Variants in CDK5RAP2 observed in about 807,000 individuals in gnomAD.
CDK5RAP2 encodes the protein CDK5 regulatory subunit-associated protein 2.
A neutral mutation model predicts 232.9 loss-of-function variants in CDK5RAP2; 147 were observed. The ratio of observed to expected loss-of-function variants is 0.63; its 90% CI spans 0.55 to 0.72. The LOEUF is 0.72. Among genes scored for constraint, CDK5RAP2 ranks in the 30% least tolerant of loss-of-function variants. CDK5RAP2 has a pLI of 0.00. For missense variants in CDK5RAP2, 2,195 were observed against 2,231.5 expected (o/e 0.98, Z 0.33); for synonymous variants, 833 against 833.7 (o/e 1.00, Z 0.01).
chr9:120,440,038 A>C, intron 23 of CDK5RAP2, 66 bp from the exon 24 acceptor site: 14 of 1,445,230 alleles, frequency 9.7e-6, no homozygotes, highest in Non-Finnish European at 1.3e-5. Context: ...CTCCTTCCTC[A>C]CAGCCCTAGC....
At chr9:120,423,919 C>G (rs941041297) in intron 25 of CDK5RAP2, among the ~76,000 whole-genome samples, 6 of 152,224 alleles carry the variant, frequency 3.9e-5, no homozygotes, top group Non-Finnish European at 5.9e-5. Context: ...GGTTCCCTAT[C>G]GCCCACCAGG....
intron 32 of CDK5RAP2, among the ~76,000 whole-genome samples, chr9:120,404,563 G>C (rs1399709664): frequency 6.6e-6 from 1 of 152,184 alleles, no homozygotes; most frequent in Non-Finnish European, 1.5e-5. Flanking sequence ...GTGGGACAAA[G>C]AGTGGAATCA....
intron 3 of CDK5RAP2, among the ~76,000 whole-genome samples, chr9:120,567,855 A>C (rs560092008): frequency 6.6e-6 from 1 of 152,344 alleles, no homozygotes; most frequent in South Asian, 2.1e-4. Context: ...ATATGACCAT[A>C]AACAACTCTC....
In CDK5RAP2 at chr9:120,485,293, C is replaced by CTTTTTTT. The variant is rs111411839; in HGVS notation, c.1626+1994_1626+2000dup. On this transcript the variant is annotated intron_variant, in intron 14 of 37. Coordinates refer to ENST00000349780, the MANE Select transcript of CDK5RAP2 (RefSeq NM_018249.6). Reference sequence around the variant, plus strand: ...AAACATTTTGTTCAACATTTAGATACTTTTTTTTTTTTTTTTTTTTTGAGA... The same window carrying CTTTTTTT: ...AAACATTTTGTTCAACATTTAGATACTTTTTTTTTTTTTTTTTTTTTTTTTTTTGAGA... Among the ~76,000 whole-genome samples the CTTTTTTT allele has an allele frequency of 1.1e-3, 147 of 132,356 alleles. 3 individuals carry two copies. The highest frequency in any genetic ancestry group is 4.0e-3 in the African/African-American group (142 of 35,256). The allele number at this position is 132,356 out of a possible 152,430, so 86.8% of individuals were successfully genotyped here. A position where few individuals can be genotyped will look rare whatever the true frequency, so the allele number is the denominator to read the frequency against.
intron 26 of CDK5RAP2, among the ~76,000 whole-genome samples, chr9:120,420,511 T>C (rs2034502582): frequency 2.0e-5 from 3 of 152,064 alleles, no homozygotes; most frequent in South Asian, 4.2e-4. Flanking sequence ...CTCTCATGGT[T>C]CCCAAGCAGG....
chr9:120,545,714 G>T lies in CDK5RAP2; in HGVS notation c.383C>A (p.Ser128Tyr), dbSNP rs758009123. 2 of 1,612,642 alleles carry T rather than the reference G, an allele frequency of 1.2e-6. No homozygotes were observed. The highest frequency in any genetic ancestry group is 1.7e-6 in the Non-Finnish European group (2 of 1,178,678). ...GCTTTCAACGGATGATGGTACTCAC[G>T]AGGCTTTGATGAGCAGCTGCTCTCT... ...QEREQLLIKA[S>Y]KAVESLAEAG... The change falls in exon 5 of 38, where the codon TCC (serine) becomes TAC (tyrosine). Residue 128 changes from serine (S) to tyrosine (Y), a missense_variant and splice_region_variant. Coordinates refer to ENST00000349780, the MANE Select transcript of CDK5RAP2 (RefSeq NM_018249.6).
Position 120,529,972 on chromosome 9 carries a change from C to T in CDK5RAP2, c.825+6G>A. On this transcript the variant is annotated splice_donor_region_variant and intron_variant, in intron 8 of 37. Transcript: ENST00000349780. ...AAAGCCCCCTCTTCATGTCCTGTCACCTCACCTCAGTTTCTCTCTCCTTTT... is the reference window on the plus strand; with the variant it reads ...AAAGCCCCCTCTTCATGTCCTGTCATCTCACCTCAGTTTCTCTCTCCTTTT... 1 of 1,613,602 alleles carries T rather than the reference C, an allele frequency of 6.2e-7. No homozygotes were observed. Among genetic ancestry groups the T allele is most frequent in the Non-Finnish European group, 8.5e-7 (1 of 1,179,706 alleles).
At chr9:120,552,118 A>G (rs1054117383) in intron 3 of CDK5RAP2, among the ~76,000 whole-genome samples, 9 of 152,080 alleles carry the variant, frequency 5.9e-5, no homozygotes, top group African/African-American at 2.2e-4. Flanking sequence ...GCCATCAGAG[A>G]AATGCAAATC....
At chr9:120,425,228 C>T (rs2034820400) in intron 25 of CDK5RAP2, among the ~76,000 whole-genome samples, 1 of 152,146 alleles carries the variant, frequency 6.6e-6, no homozygotes, top group Non-Finnish European at 1.5e-5. Context: ...AACAACTCAA[C>T]AACAACTGTA....
intron 12 of CDK5RAP2, among the ~76,000 whole-genome samples, chr9:120,498,856 A>AAAAT (rs753712311): frequency 1.3e-5 from 2 of 152,076 alleles, no homozygotes; most frequent in Admixed American, 6.5e-5. Context: ...CCCCATCTCT[A>AAAAT]AAATAAATAA....
chr9:120,403,995 C>G lies in CDK5RAP2; in HGVS notation c.5041+41G>C. 1 of 1,359,478 alleles carries G rather than the reference C, an allele frequency of 7.4e-7. No homozygotes were observed. The highest frequency in any genetic ancestry group is 1.1e-6 in the Non-Finnish European group (1 of 947,840). 84.2% of individuals were successfully genotyped at this position (1,359,478 alleles called of 1,614,324 possible). On this transcript the variant is annotated intron_variant, in intron 33 of 37. Transcript: ENST00000349780. This position sits in a 1 kb window ranked among gnomAD's most constrained non-coding sequence, Gnocchi z 4.2. ...TGCAAGTTAAAAAGTCTTACTGTCA[C>G]ATCCAATGCTCCCACAGTTACCTGG...
chr9:120,484,490 G>A (rs1326086766), intron 14 of CDK5RAP2, among the ~76,000 whole-genome samples: 1 of 152,142 alleles, frequency 6.6e-6, no homozygotes, highest in African/African-American at 2.4e-5. Context: ...GGGAGGATGA[G>A]GCAGTTGGAT....
At chr9:120,569,573 T>G (rs988358664) in intron 2 of CDK5RAP2, among the ~76,000 whole-genome samples, 1 of 152,096 alleles carries the variant, frequency 6.6e-6, no homozygotes, top group Middle Eastern at 3.2e-3. Context: ...CGGTCCCCTG[T>G]GGGTCTGGGG....
At chr9:120,412,551 G>A (rs1300188375) in intron 28 of CDK5RAP2, among the ~76,000 whole-genome samples, 2 of 152,178 alleles carry the variant, frequency 1.3e-5, no homozygotes, top group South Asian at 2.1e-4. Context: ...CTGAGAGACT[G>A]GAATGCTTGT....
intron 35 of CDK5RAP2, among the ~76,000 whole-genome samples, chr9:120,396,075 G>GA (rs1228780622): frequency 6.6e-6 from 1 of 152,232 alleles, no homozygotes; most frequent in Non-Finnish European, 1.5e-5. Flanking sequence ...TACATCAAAA[G>GA]AATGGCAAAT....
chr9:120,424,697 A>G (rs1588297103), intron 25 of CDK5RAP2, among the ~76,000 whole-genome samples: 1 of 146,044 alleles, frequency 6.8e-6, no homozygotes, highest in African/African-American at 2.6e-5. Flanking sequence ...ACATTCTCAC[A>G]GCTCTTTTTT....
rs145708139 is a variant in CDK5RAP2 at position 120,394,585 on chromosome 9, T to C, written c.5505A>G (p.Gln1835=). 6 of 1,614,066 alleles carry C rather than the reference T, an allele frequency of 3.7e-6. No individual in the cohort carries two copies. The African/African-American group carries it at 6.7e-5, about 18-fold the overall frequency. The change falls in exon 36 of 38, where the codon CAA becomes CAG. Residue 1835 remains glutamine (Q), a synonymous_variant. Coordinates refer to ENST00000349780, the MANE Select transcript of CDK5RAP2 (RefSeq NM_018249.6). ...TCATGGTGTTTTGCAACTTCTTTTC[T>C]TGTTCAAACAATTTTTTATGTAGTT... ...VTKLHKKLFE[Q]EKKLQNTMKL...
At chr9:120,520,971 TATGAGATATATC>T (rs1324017439) in intron 11 of CDK5RAP2, among the ~76,000 whole-genome samples, 1 of 151,986 alleles carries the variant, frequency 6.6e-6, no homozygotes, top group Non-Finnish European at 1.5e-5. Context: ...TCATGTATCA[TATGAGATATATC>T]ATGAGATGTA....
intron 14 of CDK5RAP2, 105 bp downstream of exon 14, chr9:120,487,189 C>G: frequency 7.8e-7 from 1 of 1,274,050 alleles, no homozygotes; most frequent in South Asian, 1.2e-5. Context: ...CAGTTACCAA[C>G]AAGAAGGCAT....
Sources: allele counts gnomAD v4.1 joint callset (sites outside exome capture counted in the v4.1 genomes callset), GRCh38; gene constraint gnomAD v4.1.1; non-coding constraint Gnocchi (gnomAD v3.1); transcripts MANE v1.5; gene names NCBI Gene and HGNC (gene_info 2026-07-23, HGNC 2026-07-21).